Variants in TRIP12 observed in about 807,000 individuals in gnomAD.
TRIP12 encodes thyroid hormone receptor interactor 12.
In TRIP12, 25 loss-of-function variants were observed where a neutral mutation model predicts 244.2. The ratio of observed to expected loss-of-function variants is 0.10; its 90% CI spans 0.07 to 0.14. The LOEUF is 0.14. Among genes scored for constraint, TRIP12 ranks in the 10% least tolerant of loss-of-function variants. The pLI, the probability that TRIP12 is intolerant of heterozygous loss-of-function variation, is 1.00. For synonymous variants in TRIP12, 905 were observed against 873.1 expected, an observed-to-expected ratio of 1.04 and a Z score of -0.64; for missense variants, 1,677 against 2,486.4, an observed-to-expected ratio of 0.67 and a Z score of 6.92.
intron 13 of TRIP12, 59 bp from the exon 14 acceptor site, chr2:229,811,263 T>C (rs1238110798): frequency 2.0e-6 from 3 of 1,509,228 alleles, no homozygotes; most frequent in Non-Finnish European, 1.8e-6. Context: ...CACTGTCATG[T>C]ATCACTACTT....
chr2:229,833,642 G>T (rs1033617659), intron 6 of TRIP12, among the ~76,000 whole-genome samples: 1 of 152,268 alleles, frequency 6.6e-6, no homozygotes, highest in South Asian at 2.1e-4. Context: ...AACTAATTGT[G>T]AAGAAAAGGA....
intron 8 of TRIP12, among the ~76,000 whole-genome samples, chr2:229,822,697 A>G (rs2050390538): frequency 6.6e-6 from 1 of 152,212 alleles, no homozygotes; most frequent in African/African-American, 2.4e-5. Context: ...TACTAGACTT[A>G]TAAAGAGGCA....
At chr2:229,832,065 A>C (rs1322537447) in intron 6 of TRIP12, among the ~76,000 whole-genome samples, 1 of 152,130 alleles carries the variant, frequency 6.6e-6, no homozygotes, top group African/African-American at 2.4e-5. Flanking sequence ...TCTGAAGAAA[A>C]AGATGCCAAA....
Position 229,774,109 on chromosome 2 carries a change from C to T in TRIP12, c.5682G>A (p.Glu1894=). ...KDIPVTIHNL[E]EYLRLVIFWA... is the part of the protein sequence containing the mutation. Reference sequence around the variant, plus strand: ...CACAGTTACATACTCTTAGATACTCCTCTAAATTGTGGATAGTGACTGGTA... The same window carrying T: ...CACAGTTACATACTCTTAGATACTCTTCTAAATTGTGGATAGTGACTGGTA... Residue 1894 remains glutamate, a synonymous_variant, in exon 38 of 42, where the codon GAG becomes GAA. Coordinates refer to ENST00000675903, the MANE Select transcript of TRIP12 (RefSeq NM_001348323.3). The T allele has an allele frequency of 1.2e-6, 2 of 1,613,842 alleles. No homozygotes were observed. The highest frequency in any genetic ancestry group is 1.7e-6 in the Non-Finnish European group (2 of 1,179,866).
At chr2:229,814,069 T>C (rs755211409) in intron 12 of TRIP12, 38 bp from the exon 13 acceptor site, 5 of 1,545,980 alleles carry the variant, frequency 3.2e-6, no homozygotes, top group Non-Finnish European at 4.4e-6. Flanking sequence ...AGAAAAATCC[T>C]TTATCAGCAA....
chr2:229,831,249 A>C (rs569231253), intron 6 of TRIP12: 1 of 661,374 alleles, frequency 1.5e-6, no homozygotes, highest in African/African-American at 1.8e-5. Flanking sequence ...CATTTGGGGG[A>C]AATGTTGTAT....
intron 23 of TRIP12, 137 bp from the exon 24 acceptor site, chr2:229,797,968 C>T: frequency 1.1e-6 from 1 of 876,296 alleles, no homozygotes; most frequent in East Asian, 2.7e-5. Context: ...GATTCCATAA[C>T]CAAATTAACT....
At chr2:229,827,455 T>C (rs2052008083) in intron 8 of TRIP12, among the ~76,000 whole-genome samples, 1 of 152,064 alleles carries the variant, frequency 6.6e-6, no homozygotes, top group South Asian at 2.1e-4. Flanking sequence ...CTTTTTCCTA[T>C]TTTGAAAATT....
At chr2:229,819,382 T>C (rs138251735) in intron 8 of TRIP12, among the ~76,000 whole-genome samples, 1 of 152,176 alleles carries the variant, frequency 6.6e-6, no homozygotes, top group East Asian at 1.9e-4. Flanking sequence ...GCATCTCCAC[T>C]AAAAATACAA....
At chr2:229,805,222 A>ACAACAACAACAACAACAAC in intron 18 of TRIP12, among the ~76,000 whole-genome samples, 1 of 149,482 alleles carries the variant, frequency 6.7e-6, no homozygotes, top group Non-Finnish European at 1.5e-5. Flanking sequence ...GCCCTTTTCA[A>ACAACAACAACAACAACAAC]AACAACAACA....
At chr2:229,803,355 C>T (rs112343139) in intron 20 of TRIP12, among the ~76,000 whole-genome samples, 45 of 152,322 alleles carry the variant, frequency 3.0e-4, no homozygotes, top group African/African-American at 9.4e-4. Flanking sequence ...CTCAAGTGAT[C>T]CACCTGCCTT....
chr2:229,840,068 A>G lies in TRIP12; in HGVS notation c.1133+754T>C, dbSNP rs560381876. ...CACTTTTAGAAACCAACTGGGCAAC[A>G]GTACAGCCATTAAAACAGGCATCCT... On this transcript the variant is annotated intron_variant, in intron 5 of 41. Coordinates refer to ENST00000675903, the MANE Select transcript of TRIP12 (RefSeq NM_001348323.3). Among the ~76,000 whole-genome samples, 572 of 152,344 alleles carry G rather than the reference A, an allele frequency of 3.8e-3. 22 individuals are homozygous for G. The highest frequency in any genetic ancestry group is 6.0e-4 in the Non-Finnish European group (41 of 68,026).
At chr2:229,863,262 AT>A (rs1228698757) in intron 2 of TRIP12, among the ~76,000 whole-genome samples, 1 of 151,834 alleles carries the variant, frequency 6.6e-6, no homozygotes, top group African/African-American at 2.4e-5. Flanking sequence ...AAAAAAAAAA[AT>A]CAACAATGCC....
chr2:229,781,372 A>G (rs2038110162), intron 34 of TRIP12, among the ~76,000 whole-genome samples: 1 of 152,264 alleles, frequency 6.6e-6, no homozygotes, highest in South Asian at 2.1e-4. Context: ...ACTGGCACTT[A>G]TTATGTGACA....
chr2:229,908,429 CG>C (rs144610879), intron 1 of TRIP12, among the ~76,000 whole-genome samples: 6,554 of 152,244 alleles, frequency 0.043, 474 homozygotes, highest in African/African-American at 0.15. Context: ...GAAGCATCCG[CG>C]TAACGTCTCA....
intron 4 of TRIP12, among the ~76,000 whole-genome samples, chr2:229,847,622 G>T (rs1460035814): frequency 2.0e-5 from 3 of 152,330 alleles, no homozygotes; most frequent in South Asian, 4.1e-4. Context: ...CCAGAAAGCT[G>T]AAAGTAGAAA....
At chr2:229,911,974 A>G (rs2154378076) in intron 1 of TRIP12, among the ~76,000 whole-genome samples, 1 of 152,306 alleles carries the variant, frequency 6.6e-6, no homozygotes, top group Non-Finnish European at 1.5e-5. Flanking sequence ...TTCCCTATAT[A>G]AGACTTACAA....
intron 13 of TRIP12, among the ~76,000 whole-genome samples, chr2:229,813,412 C>A (rs1481289113): frequency 1.3e-5 from 2 of 152,078 alleles, no homozygotes; most frequent in Non-Finnish European, 2.9e-5. Context: ...TGGCACATAA[C>A]TGGATAAAAA....
At chr2:229,864,152 T>C (rs1211408271) in intron 2 of TRIP12, among the ~76,000 whole-genome samples, 2 of 151,728 alleles carry the variant, frequency 1.3e-5, no homozygotes, top group African/African-American at 4.8e-5. Context: ...AAAAAACTCA[T>C]GTCTCTGCAA....
Sources: gnomAD v4.1 joint callset for allele counts (sites outside exome capture counted in the v4.1 genomes callset) on GRCh38, gnomAD v4.1.1 for gene constraint, MANE v1.5 for transcripts, NCBI Gene and HGNC (gene_info 2026-07-23, HGNC 2026-07-21) for gene names.